The following KCNH1 variants were observed in gnomAD, a reference collection of about 807,000 sequenced individuals.
The protein encoded by KCNH1 is potassium voltage-gated channel subfamily H member 1.
In KCNH1, 27 loss-of-function variants were observed where a neutral mutation model predicts 69.2. The observed-to-expected ratio is 0.39, with a 90% CI of 0.29 to 0.54. The LOEUF (loss-of-function observed/expected upper bound fraction) is 0.54. Ranked by LOEUF, KCNH1 falls within the 20% of genes least tolerant of loss-of-function variation. The probability of loss-of-function intolerance (pLI) is 0.68; values close to 1 mark genes in which losing one functional copy is unlikely to be tolerated. For missense variants in KCNH1, 798 were observed against 1,261.6 expected, an observed-to-expected ratio of 0.63 and a Z score of 5.57; for synonymous variants, 456 against 487.7, an observed-to-expected ratio of 0.93 and a Z score of 0.86.
intron 7 of KCNH1, among the ~76,000 whole-genome samples, chr1:210,891,572 C>G (rs1686751643): frequency 6.6e-6 from 1 of 151,250 alleles, no homozygotes; most frequent in Non-Finnish European, 1.5e-5. Flanking sequence ...ACAACAGATG[C>G]TGAAGAGGAT....
At chr1:210,930,265 T>G (rs137929375) in intron 6 of KCNH1, among the ~76,000 whole-genome samples, 6 of 152,240 alleles carry the variant, frequency 3.9e-5, no homozygotes, top group African/African-American at 1.4e-4. Flanking sequence ...GGCATCAGAT[T>G]AATTACCTAA....
At chr1:210,788,263 C>G (rs2102388259) in intron 9 of KCNH1, among the ~76,000 whole-genome samples, 1 of 152,266 alleles carries the variant, frequency 6.6e-6, no homozygotes, top group South Asian at 2.1e-4. Context: ...GGTATACTTT[C>G]CATCTTTCTT....
chr1:210,837,322 T>C (rs1685304817), intron 7 of KCNH1, among the ~76,000 whole-genome samples: 2 of 152,170 alleles, frequency 1.3e-5, no homozygotes, highest in Admixed American at 1.3e-4. Flanking sequence ...TTGTAGTATT[T>C]GGCACTTTGC....
At chr1:211,032,794 A>C (rs919703491) in intron 5 of KCNH1, among the ~76,000 whole-genome samples, 8 of 152,246 alleles carry the variant, frequency 5.3e-5, no homozygotes, top group Non-Finnish European at 7.3e-5. Flanking sequence ...TATTAGACCT[A>C]AAACCATAAA....
intron 10 of KCNH1, among the ~76,000 whole-genome samples, chr1:210,723,409 A>G (rs1381777427): frequency 6.6e-6 from 1 of 152,116 alleles, no homozygotes; most frequent in Non-Finnish European, 1.5e-5. Flanking sequence ...CCTACTACTT[A>G]GATCCAGCCA....
intron 6 of KCNH1, among the ~76,000 whole-genome samples, chr1:210,944,932 G>T (rs970320880): frequency 1.2e-4 from 19 of 152,042 alleles, no homozygotes; most frequent in African/African-American, 4.3e-4. Context: ...CCTTTTGCCA[G>T]CTCCTGATAA....
In KCNH1 at chr1:211,010,573, C is replaced by T. The variant is rs146653915; in HGVS notation, c.1032+8210G>A. ...CCCTTTGCACATGTTCTTTCCTCTC[C>T]CAGAAATGCTCTACTTCCTCCTCAC... On this transcript the variant is annotated intron_variant, in intron 6 of 10. Transcript: ENST00000271751. 8.0e-3 allele frequency among the ~76,000 whole-genome samples: 1,225 copies of T among 152,178 alleles called. 11 individuals carry two copies. The highest frequency in any genetic ancestry group is 0.034 in the Middle Eastern group (10 of 294).
At chr1:210,980,404 CAGG>C (rs1233448590) in intron 6 of KCNH1, among the ~76,000 whole-genome samples, 1 of 152,126 alleles carries the variant, frequency 6.6e-6, no homozygotes, top group Non-Finnish European at 1.5e-5. Context: ...CTTGCCCTAA[CAGG>C]AGATTTACAG....
chr1:210,788,907 G>A (rs530576918), intron 9 of KCNH1, among the ~76,000 whole-genome samples: 97 of 148,326 alleles, frequency 6.5e-4, no homozygotes, highest in South Asian at 5.7e-3. Context: ...CGTTTTAGCC[G>A]GGATGGTCTC....
chr1:210,908,201 T>C (rs1178158589), intron 7 of KCNH1, among the ~76,000 whole-genome samples: 1 of 152,254 alleles, frequency 6.6e-6, no homozygotes, highest in South Asian at 2.1e-4. Flanking sequence ...ATTATCCATC[T>C]GTTCTCACAT....
intron 5 of KCNH1, among the ~76,000 whole-genome samples, chr1:211,035,844 A>C (rs1394540638): frequency 6.6e-6 from 1 of 152,220 alleles, no homozygotes. Context: ...TCCTTTCAAA[A>C]TACAGTACAA....
rs753323310 is a variant in KCNH1 at position 210,683,583 on chromosome 1, G to A, written c.2668C>T (p.Arg890Cys). The change falls in exon 11 of 11, where the codon CGC becomes TGC. Residue 890 changes from arginine to cysteine, a missense_variant. Physicochemically the swap from Arg to Cys is radical, Grantham distance 180. This residue lies in a region of KCNH1 where 331 missense variants were observed against 363.2 expected (regional missense o/e 0.91). Transcript: ENST00000271751. This position sits in a 1 kb window ranked among gnomAD's most constrained non-coding sequence, Gnocchi z 5.7. ...CDSGITKSDL[R>C]LDNVGEARSP... is the part of the protein sequence containing the mutation. ...CTGGCCTCACCCACGTTGTCCAGGC[G>A]CAAGTCGCTCTTGGTGATGCCACTG... 17 of 1,614,008 alleles carry A rather than the reference G, an allele frequency of 1.1e-5. No individual in the cohort carries two copies. The highest frequency in any genetic ancestry group is 1.3e-5 in the African/African-American group (1 of 74,896).
chr1:210,970,091 C>A (rs1432692362), intron 6 of KCNH1, among the ~76,000 whole-genome samples: 1 of 151,714 alleles, frequency 6.6e-6, no homozygotes, highest in African/African-American at 2.4e-5. Context: ...TTGTTTTTTT[C>A]TCCTGCTTTT....
At chr1:211,115,728 T>TATATATATATATATATATAC (rs1558611409) in intron 1 of KCNH1, among the ~76,000 whole-genome samples, 3 of 88,074 alleles carry the variant, frequency 3.4e-5, no homozygotes, top group Non-Finnish European at 6.2e-5. Context: ...TATATATATA[T>TATATATATATATATATATAC]ATACACACAC....
At chr1:211,116,386 CA>C (rs1382548600) in intron 1 of KCNH1, among the ~76,000 whole-genome samples, 1 of 152,122 alleles carries the variant, frequency 6.6e-6, no homozygotes, top group Non-Finnish European at 1.5e-5. Context: ...TGCAAATTTT[CA>C]ATGCCCTCAC....
intron 4 of KCNH1, 46 bp from the exon 5 acceptor site, chr1:211,082,944 A>C: frequency 6.8e-7 from 1 of 1,473,940 alleles, no homozygotes; most frequent in Non-Finnish European, 9.4e-7. Flanking sequence ...CCACATCCCA[A>C]AGGTGCACAG....
intron 6 of KCNH1, among the ~76,000 whole-genome samples, chr1:211,009,731 A>C (rs4639824): frequency 0.7 from 105,417 of 151,434 alleles, 37,319 homozygotes; most frequent in African/African-American, 0.83. Flanking sequence ...GCCTCAGCCT[A>C]CTGAGTGGCT....
rs917050706 is a variant in KCNH1 at position 210,867,540 on chromosome 1, T to C, written c.1462+52100A>G. On this transcript the variant is annotated intron_variant, in intron 7 of 10. Coordinates refer to ENST00000271751, the MANE Select transcript of KCNH1 (RefSeq NM_172362.3). Reference sequence around the variant, plus strand: ...GAAAAAAAATTTTATTGAGGTATAATTTACATGTGACAAAGTACTCCCATT... The same window carrying C: ...GAAAAAAAATTTTATTGAGGTATAACTTACATGTGACAAAGTACTCCCATT... 3.9e-5 allele frequency among the ~76,000 whole-genome samples: 6 copies of C among 151,970 alleles called. No individual in the cohort carries two copies. In the South Asian group the frequency reaches 1.2e-3, roughly 31 times the overall value.
At position 210,850,425 on chromosome 1, in the gene KCNH1, C is replaced by T. The variant is rs370914358; in HGVS notation, c.1463-46259G>A. Reference sequence around the variant, plus strand: ...ACTCGGGAGGCTGAGGCATGAGAATCGCTTGAATCCGGGAGGCGGAGGTTG... The same window carrying T: ...ACTCGGGAGGCTGAGGCATGAGAATTGCTTGAATCCGGGAGGCGGAGGTTG... On this transcript the variant is annotated intron_variant, in intron 7 of 10. Transcript: ENST00000271751. Among the ~76,000 whole-genome samples, 19 of 152,240 alleles carry T rather than the reference C, an allele frequency of 1.2e-4. No homozygotes were observed. In the East Asian group the frequency reaches 2.9e-3, roughly 23 times the overall value.
Sources: gnomAD v4.1 joint callset for allele counts (sites outside exome capture counted in the v4.1 genomes callset) on GRCh38, gnomAD v4.1.1 for gene constraint, gnomAD v4.1.1 regional missense constraint, Gnocchi (gnomAD v3.1) non-coding constraint, MANE v1.5 for transcripts, NCBI Gene and HGNC (gene_info 2026-07-23, HGNC 2026-07-21) for gene names.